ENAH: variants seen among roughly 807,000 people sequenced by gnomAD.
ENAH encodes protein enabled homolog.
ENAH carries 23 observed loss-of-function variants against 78.7 expected under a neutral mutation model. The observed-to-expected ratio is 0.29, with a 90% CI of 0.21 to 0.41. The LOEUF is 0.41. Ranked by LOEUF, ENAH falls within the 10% of genes least tolerant of loss-of-function variation. The pLI is 1.00. For missense variants in ENAH, 544 were observed against 691.0 expected (o/e 0.79, Z 2.39); for synonymous variants, 226 against 241.0 (o/e 0.94, Z 0.58).
intron 1 of ENAH, among the ~76,000 whole-genome samples, chr1:225,579,002 T>C (rs533573146): frequency 5.3e-5 from 8 of 152,356 alleles, no homozygotes; most frequent in Admixed American, 2.0e-4. Flanking sequence ...GTGCCATATA[T>C]GGTTCTATGT....
At chr1:225,517,515 T>G (rs1575372635) in intron 5 of ENAH, 1 of 1,551,574 alleles carries the variant, frequency 6.4e-7, no homozygotes, top group South Asian at 1.2e-5. Flanking sequence ...GTGCTGTCGG[T>G]GATGGAGGCA....
rs866765514 is a variant in ENAH at position 225,514,759 on chromosome 1, G to A, written c.1055C>T (p.Pro352Leu). The A allele has an allele frequency of 2.1e-6, 3 of 1,415,232 alleles. No homozygotes were observed. The highest frequency in any genetic ancestry group is 2.9e-6 in the Non-Finnish European group (3 of 1,048,484). 87.7% of individuals were successfully genotyped at this position (1,415,232 alleles called of 1,614,324 possible). ...LPSTGPPPPP[P>L]PPPLPNQVPP... is the part of the protein sequence containing the mutation. ...TACTTGATTAGGGAGAGGAGGGGGAGGAGGGGGCGGTGGAGGCCCGGTGGA... is the reference window on the plus strand; with the variant it reads ...TACTTGATTAGGGAGAGGAGGGGGAAGAGGGGGCGGTGGAGGCCCGGTGGA... Residue 352 changes from proline to leucine, a missense_variant, in exon 7 of 14, where the codon CCT becomes CTT. Physicochemically the swap from Pro to Leu is moderately conservative, Grantham distance 98. This residue lies in a region of ENAH where 366 missense variants were observed against 396.1 expected (regional missense o/e 0.92). Coordinates refer to ENST00000366843, the MANE Select transcript of ENAH (RefSeq NM_018212.6).
chr1:225,588,045 AATC>A (rs1161050013), intron 1 of ENAH, among the ~76,000 whole-genome samples: 2 of 152,230 alleles, frequency 1.3e-5, no homozygotes, highest in African/African-American at 4.8e-5. Context: ...CTAGGAGAAA[AATC>A]ATCACAGGAA....
At chr1:225,517,118 T>G (rs2096425930) in intron 6 of ENAH, 78 bp downstream of exon 6, 1 of 1,133,400 alleles carries the variant, frequency 8.8e-7, no homozygotes, top group African/African-American at 1.6e-5. Flanking sequence ...ATCCTACCCA[T>G]CCATTCAGGC....
Position 225,652,710 on chromosome 1 carries a change from C to A in ENAH, c.-20G>T. The A allele has an allele frequency of 1.5e-6, 2 of 1,319,758 alleles. No homozygotes were observed. The highest frequency in any genetic ancestry group is 1.9e-6 in the Non-Finnish European group (2 of 1,036,846). The allele number at this position is 1,319,758 out of a possible 1,614,324, so 81.8% of individuals were successfully genotyped here. On this transcript the variant is annotated 5_prime_UTR_variant, in exon 1 of 14. Transcript: ENST00000366843. Reference sequence around the variant, plus strand: ...CCTCATGGTGCCGGCGGCGCAGAGGCTTCCCCACCAGCCGGGAGACGCAGA... The same window carrying A: ...CCTCATGGTGCCGGCGGCGCAGAGGATTCCCCACCAGCCGGGAGACGCAGA...
intron 3 of ENAH, among the ~76,000 whole-genome samples, chr1:225,553,438 C>T (rs983430123): frequency 9.2e-5 from 14 of 152,054 alleles, no homozygotes; most frequent in Non-Finnish European, 5.9e-5. Flanking sequence ...CTAATATCAA[C>T]GGATACACTT....
chr1:225,567,452 T>C, intron 1 of ENAH, 38 bp from the exon 2 acceptor site: 2 of 1,586,224 alleles, frequency 1.3e-6, no homozygotes, highest in Non-Finnish European at 1.7e-6. Context: ...ACTTGCAATA[T>C]TTAAAATATG....
intron 2 of ENAH, 147 bp downstream of exon 2, chr1:225,567,102 A>AAAGGTC: frequency 1.3e-6 from 1 of 786,164 alleles, no homozygotes; most frequent in Non-Finnish European, 1.9e-6. Context: ...TAAAAGGTAG[A>AAAGGTC]AAGGGTGGAG....
intron 1 of ENAH, among the ~76,000 whole-genome samples, chr1:225,636,341 C>T (rs1469889600): frequency 1.3e-5 from 2 of 152,146 alleles, no homozygotes; most frequent in Admixed American, 6.5e-5. Flanking sequence ...TGACAAGATT[C>T]TTATTTTGTA....
At chr1:225,622,569 G>C (rs963400753) in intron 1 of ENAH, among the ~76,000 whole-genome samples, 3 of 152,180 alleles carry the variant, frequency 2.0e-5, no homozygotes, top group Non-Finnish European at 2.9e-5. Flanking sequence ...GGAGGCTGGG[G>C]AAGTCCAAGA....
chr1:225,515,211 G>A, intron 6 of ENAH: 1 of 307,588 alleles, frequency 3.3e-6, no homozygotes, highest in Non-Finnish European at 5.9e-6. Context: ...TATAAAATTT[G>A]GAAGAGAGGT....
Position 225,629,880 on chromosome 1 carries a change from A to G in ENAH, c.5+22806T>C, listed in dbSNP as rs1290418738. On this transcript the variant is annotated intron_variant, in intron 1 of 13. Transcript: ENST00000366843. Reference sequence around the variant, plus strand: ...ATACTAAGTGGATGATCCAATGCCAACTGGCTTTAGTCTTTGGATGGCATC... The same window carrying G: ...ATACTAAGTGGATGATCCAATGCCAGCTGGCTTTAGTCTTTGGATGGCATC... Among the ~76,000 whole-genome samples the G allele has an allele frequency of 2.6e-5, 4 of 152,314 alleles. 1 individual carries two copies. In the East Asian group the frequency reaches 5.8e-4, roughly 22 times the overall value.
intron 1 of ENAH, among the ~76,000 whole-genome samples, chr1:225,618,114 T>C (rs558799303): frequency 2.0e-5 from 3 of 152,272 alleles, no homozygotes; most frequent in African/African-American, 7.2e-5. Context: ...AGGAGGCAGA[T>C]TTCCACTACA....
At chr1:225,580,784 G>T (rs1174747408) in intron 1 of ENAH, among the ~76,000 whole-genome samples, 1 of 151,708 alleles carries the variant, frequency 6.6e-6, no homozygotes, top group African/African-American at 2.4e-5. Flanking sequence ...CAGCCATGGT[G>T]TCTCGTGCCG....
intron 2 of ENAH, among the ~76,000 whole-genome samples, chr1:225,566,328 C>G (rs2096735007): frequency 1.3e-5 from 2 of 152,012 alleles, no homozygotes; most frequent in South Asian, 4.2e-4. Context: ...AGGCCCACAG[C>G]CCCTATATGC....
intron 2 of ENAH, among the ~76,000 whole-genome samples, chr1:225,564,450 G>A (rs550477866): frequency 7.6e-5 from 11 of 145,648 alleles, no homozygotes; most frequent in African/African-American, 1.7e-4. Context: ...CACCATGCCC[G>A]ACTATTTTTT....
At chr1:225,620,300 G>A (rs1656575977) in intron 1 of ENAH, among the ~76,000 whole-genome samples, 1 of 151,880 alleles carries the variant, frequency 6.6e-6, no homozygotes, top group African/African-American at 2.4e-5. Context: ...GGCCGCGGCA[G>A]GTAGATCACA....
chr1:225,601,296 G>A (rs917899796), intron 1 of ENAH, among the ~76,000 whole-genome samples: 2 of 152,102 alleles, frequency 1.3e-5, no homozygotes, highest in Admixed American at 6.5e-5. Context: ...CGAGGTGGGC[G>A]GATCACGATG....
intron 2 of ENAH, among the ~76,000 whole-genome samples, chr1:225,563,325 C>T (rs2151484352): frequency 6.6e-6 from 1 of 152,230 alleles, no homozygotes; most frequent in Non-Finnish European, 1.5e-5. Context: ...CTCTGTATCA[C>T]TAAATGAAAG....
Sources: allele counts gnomAD v4.1 joint callset (sites outside exome capture counted in the v4.1 genomes callset), GRCh38; gene constraint gnomAD v4.1.1; regional missense constraint gnomAD v4.1.1; transcripts MANE v1.5; gene names NCBI Gene and HGNC (gene_info 2026-07-23, HGNC 2026-07-21).